Variants in MYT1L observed in about 807,000 individuals in gnomAD.
MYT1L encodes myelin transcription factor 1-like protein.
In MYT1L, 12 loss-of-function variants were observed where a neutral mutation model predicts 126.7. The ratio of observed to expected loss-of-function variants is 0.09; its 90% CI spans 0.06 to 0.15. MYT1L has a LOEUF of 0.15. MYT1L is among the 10% of genes least tolerant of loss of function. The pLI, the probability that MYT1L is intolerant of heterozygous loss-of-function variation, is 1.00. For synonymous variants in MYT1L, 541 were observed against 604.2 expected, an observed-to-expected ratio of 0.90 and a Z score of 1.53; for missense variants, 979 against 1,585.2, an observed-to-expected ratio of 0.62 and a Z score of 6.49.
intron 1 of MYT1L, chr2:2,324,665 C>G (rs867328463): frequency 6.5e-6 from 1 of 152,870 alleles, no homozygotes; most frequent in African/African-American, 2.4e-5. Flanking sequence ...AGACAGACAG[C>G]GCCGGGCTGC....
intron 3 of MYT1L, among the ~76,000 whole-genome samples, chr2:2,055,988 G>A (rs764304156): frequency 1.3e-5 from 2 of 152,220 alleles, no homozygotes; most frequent in Non-Finnish European, 2.9e-5. Flanking sequence ...GGGAGCAGCC[G>A]CAGTCCCAGT....
chr2:2,294,935 C>T (rs905163167), intron 1 of MYT1L, among the ~76,000 whole-genome samples: 31 of 152,126 alleles, frequency 2.0e-4, no homozygotes, highest in African/African-American at 6.5e-4. Context: ...AGATCAATAA[C>T]GTGCAGTTAA....
chr2:2,318,411 T>C (rs1003890975), intron 1 of MYT1L, among the ~76,000 whole-genome samples: 48 of 152,330 alleles, frequency 3.2e-4, no homozygotes, highest in African/African-American at 1.1e-3. Flanking sequence ...TAAAACTAGA[T>C]GAACAGGTGG....
intron 3 of MYT1L, among the ~76,000 whole-genome samples, chr2:2,122,334 G>A (rs2081139823): frequency 6.6e-6 from 1 of 152,108 alleles, no homozygotes; most frequent in Non-Finnish European, 1.5e-5. Context: ...ACTCTCATGG[G>A]GACTCTGCAG....
chr2:2,036,470 C>A (rs927104175), intron 4 of MYT1L, among the ~76,000 whole-genome samples: 3 of 151,374 alleles, frequency 2.0e-5, no homozygotes, highest in Non-Finnish European at 2.9e-5. Flanking sequence ...CCCTCCAATG[C>A]GGGTGCAGAA....
At chr2:2,189,546 A>G (rs907479888) in intron 2 of MYT1L, among the ~76,000 whole-genome samples, 2 of 152,252 alleles carry the variant, frequency 1.3e-5, no homozygotes, top group African/African-American at 4.8e-5. Context: ...TTTCATAAAT[A>G]TATAATCACT....
At chr2:1,802,096 C>T (rs555558774) in intron 22 of MYT1L, 117 of 264,942 alleles carry the variant, frequency 4.4e-4, no homozygotes, top group African/African-American at 2.5e-3. Context: ...TTAGATGTAT[C>T]GAGGCAGAAA....
intron 3 of MYT1L, among the ~76,000 whole-genome samples, chr2:2,074,620 G>A (rs755135555): frequency 5.4e-4 from 82 of 152,306 alleles, no homozygotes; most frequent in African/African-American, 1.9e-3. Flanking sequence ...GAAATACGGT[G>A]TCAATACAGT....
At chr2:2,027,399 G>T (rs536041052) in intron 4 of MYT1L, among the ~76,000 whole-genome samples, 5 of 152,302 alleles carry the variant, frequency 3.3e-5, no homozygotes, top group Admixed American at 1.3e-4. Flanking sequence ...AGATACCAAA[G>T]GTCTCTGAAA....
chr2:2,060,248 G>A (rs1446829765), intron 3 of MYT1L, among the ~76,000 whole-genome samples: 4 of 152,034 alleles, frequency 2.6e-5, no homozygotes, highest in Admixed American at 6.6e-5. Flanking sequence ...TTTTCACATC[G>A]TATAGAACAA....
At chr2:1,805,513 A>C (rs2035553774) in intron 22 of MYT1L, among the ~76,000 whole-genome samples, 1 of 152,222 alleles carries the variant, frequency 6.6e-6, no homozygotes, top group Non-Finnish European at 1.5e-5. Flanking sequence ...GCACTTTGGG[A>C]GGCTGAGGTG....
rs2032133264 is a variant in MYT1L at position 1,791,779 on chromosome 2, T to C, written c.*88A>G. The C allele has an allele frequency of 7.9e-7, 1 of 1,269,108 alleles. No individual in the cohort carries two copies. The highest frequency in any genetic ancestry group is 1.5e-5 in the African/African-American group (1 of 65,824). 78.6% of individuals were successfully genotyped at this position (1,269,108 alleles called of 1,614,324 possible). A position where few individuals can be genotyped will look rare whatever the true frequency, so the allele number is the denominator to read the frequency against. On this transcript the variant is annotated 3_prime_UTR_variant, in exon 25 of 25. Transcript: ENST00000647738. This position sits in a 1 kb window ranked among gnomAD's most constrained non-coding sequence, Gnocchi z 6.0. ...ACACTGTTTCAAATTCAAACAGAAATAAATATAGAACACTTTCTGGTAAGT... is the reference window on the plus strand; with the variant it reads ...ACACTGTTTCAAATTCAAACAGAAACAAATATAGAACACTTTCTGGTAAGT...
chr2:1,947,822 G>C (rs2057373705), intron 8 of MYT1L, among the ~76,000 whole-genome samples: 1 of 152,258 alleles, frequency 6.6e-6, no homozygotes, highest in Non-Finnish European at 1.5e-5. Flanking sequence ...AGTTCATCTG[G>C]TCTCTGCCAG....
rs1558264400 is a variant in MYT1L, at chr2:1,882,755, C to T, written c.2711+3784G>A. 3.9e-5 allele frequency among the ~76,000 whole-genome samples: 6 copies of T among 152,208 alleles called. No homozygotes were observed. In the South Asian group the frequency reaches 1.2e-3, roughly 32 times the overall value. The stretch of plus-strand genomic sequence containing the variant: ...TGTGGGGTGAGCAAAGCTCACATCT[C>T]CCTCCAGGAGAGCCTGGTAAATAAT... On this transcript the variant is annotated intron_variant, in intron 18 of 24. Transcript: ENST00000647738.
chr2:2,180,737 CCTGTGTGT>C (rs890803680), intron 2 of MYT1L, among the ~76,000 whole-genome samples: 40 of 141,746 alleles, frequency 2.8e-4, no homozygotes, highest in African/African-American at 9.4e-4. Context: ...TGCATGTGTG[CCTGTGTGT>C]GTGCTTGTGC....
intron 4 of MYT1L, among the ~76,000 whole-genome samples, chr2:1,998,858 C>A (rs11693653): frequency 0.14 from 21,864 of 151,902 alleles, 1,618 homozygotes; most frequent in East Asian, 0.31. Flanking sequence ...TATGTGCCTG[C>A]TCCTAGTGGT....
intron 8 of MYT1L, among the ~76,000 whole-genome samples, chr2:1,953,239 A>G (rs920481225): frequency 6.6e-6 from 1 of 152,180 alleles, no homozygotes; most frequent in South Asian, 2.1e-4. Flanking sequence ...CTGGTATTAC[A>G]GGCATGGGCC....
intron 8 of MYT1L, among the ~76,000 whole-genome samples, chr2:1,952,726 C>T (rs113437470): frequency 2.3e-4 from 11 of 47,894 alleles, no homozygotes; most frequent in Middle Eastern, 0.014. Context: ...CTCCTTCCTT[C>T]CCTTCCCTCC....
intron 2 of MYT1L, among the ~76,000 whole-genome samples, chr2:2,271,149 C>T (rs1365378870): frequency 6.6e-6 from 1 of 152,128 alleles, no homozygotes; most frequent in Non-Finnish European, 1.5e-5. Flanking sequence ...TGACAAGTAA[C>T]CCTTTTGTTT....
Sources: allele counts gnomAD v4.1 joint callset (sites outside exome capture counted in the v4.1 genomes callset), GRCh38; gene constraint gnomAD v4.1.1; non-coding constraint Gnocchi (gnomAD v3.1); transcripts MANE v1.5; gene names NCBI Gene and HGNC (gene_info 2026-07-23, HGNC 2026-07-21).